Variants in DENND5A observed in about 807,000 individuals in gnomAD.
The protein encoded by DENND5A is DENN domain containing 5A, also known as DENN domain-containing protein 5A.
DENND5A carries 64 observed loss-of-function variants against 140.3 expected under a neutral mutation model. The ratio of observed to expected loss-of-function variants is 0.46; its 90% CI spans 0.37 to 0.56. The LOEUF (loss-of-function observed/expected upper bound fraction) is 0.56. Ranked by LOEUF, DENND5A falls within the 20% of genes least tolerant of loss-of-function variation. The pLI is 0.00. For synonymous variants in DENND5A, 605 were observed against 607.7 expected (o/e 1.00, Z 0.07); for missense variants, 1,292 against 1,593.8 (o/e 0.81, Z 3.22).
intron 1 of DENND5A, among the ~76,000 whole-genome samples, chr11:9,241,740 C>T (rs1010391512): frequency 2.0e-5 from 3 of 152,128 alleles, no homozygotes; most frequent in African/African-American, 7.2e-5. Flanking sequence ...ATCAGCTGGG[C>T]GCGGTGGCTC....
At chr11:9,233,412 A>G (rs1012188655) in intron 1 of DENND5A, among the ~76,000 whole-genome samples, 4 of 151,820 alleles carry the variant, frequency 2.6e-5, no homozygotes, top group Admixed American at 2.6e-4. Context: ...AAAAAAAAAA[A>G]AAAAAGAAAT....
At chr11:9,212,634 A>G (rs1182273961) in intron 1 of DENND5A, among the ~76,000 whole-genome samples, 4 of 139,494 alleles carry the variant, frequency 2.9e-5, no homozygotes, top group Admixed American at 1.4e-4. Context: ...CAAGTACTGA[A>G]AAAAAAACAC....
chr11:9,175,816 T>C (rs1359471134), intron 8 of DENND5A: 1 of 152,164 alleles, frequency 6.6e-6, no homozygotes, highest in Non-Finnish European at 1.5e-5. Context: ...CAAAATTAAC[T>C]TGAAATGGAT....
At chr11:9,223,168 C>T (rs554575918) in intron 1 of DENND5A, among the ~76,000 whole-genome samples, 2 of 151,600 alleles carry the variant, frequency 1.3e-5, no homozygotes, top group South Asian at 4.2e-4. Flanking sequence ...ACAAGAAGAT[C>T]ACTTGAGCTG....
intron 15 of DENND5A, among the ~76,000 whole-genome samples, chr11:9,147,478 C>T (rs1564881068): frequency 6.6e-6 from 1 of 152,304 alleles, no homozygotes; most frequent in Non-Finnish European, 1.5e-5. Flanking sequence ...TGACACAGGT[C>T]TTCTCAGGCT....
intron 1 of DENND5A, among the ~76,000 whole-genome samples, chr11:9,229,982 G>C (rs891977453): frequency 5.6e-5 from 7 of 125,410 alleles, no homozygotes; most frequent in Non-Finnish European, 1.6e-5. Flanking sequence ...TCAGCTCCTT[G>C]CAAGCTCCAC....
intron 12 of DENND5A, among the ~76,000 whole-genome samples, chr11:9,156,414 T>C (rs536756714): frequency 6.6e-6 from 1 of 151,978 alleles, no homozygotes; most frequent in African/African-American, 2.4e-5. Flanking sequence ...TCAAATGAAC[T>C]CTAAAAGAAA....
At chr11:9,248,236 G>A (rs1851562414) in intron 1 of DENND5A, among the ~76,000 whole-genome samples, 1 of 152,100 alleles carries the variant, frequency 6.6e-6, no homozygotes, top group Admixed American at 6.6e-5. Context: ...ACCTTCCTCA[G>A]TCTCCCAAAA....
intron 9 of DENND5A, chr11:9,170,236 A>G: frequency 1.0e-6 from 1 of 976,536 alleles, no homozygotes; most frequent in Non-Finnish European, 1.2e-6. Context: ...GCTTTGATAC[A>G]GTCATCTTCA....
intron 17 of DENND5A, 31 bp downstream of exon 17, chr11:9,145,639 C>T (rs867966488): frequency 6.2e-7 from 1 of 1,613,252 alleles, no homozygotes; most frequent in South Asian, 1.1e-5. Flanking sequence ...ACTCAGATCC[C>T]CACAGAGCTG....
intron 1 of DENND5A, among the ~76,000 whole-genome samples, chr11:9,240,829 C>A (rs1034005865): frequency 6.6e-6 from 1 of 152,102 alleles, no homozygotes; most frequent in Admixed American, 6.6e-5. Flanking sequence ...TGATTTTATT[C>A]CTGACAGGCA....
At chr11:9,216,046 C>T (rs1011886674) in intron 1 of DENND5A, among the ~76,000 whole-genome samples, 3 of 152,198 alleles carry the variant, frequency 2.0e-5, no homozygotes, top group Non-Finnish European at 2.9e-5. Flanking sequence ...GGTCCCCATG[C>T]TCTCCTCAAT....
intron 4 of DENND5A, among the ~76,000 whole-genome samples, chr11:9,201,346 G>A (rs2136207622): frequency 6.6e-6 from 1 of 150,518 alleles, no homozygotes; most frequent in African/African-American, 2.5e-5. Context: ...CTACACTCTA[G>A]CCTGGGTGAT....
intron 1 of DENND5A, among the ~76,000 whole-genome samples, chr11:9,216,367 CCT>C (rs1316541558): frequency 6.6e-6 from 1 of 152,198 alleles, no homozygotes; most frequent in African/African-American, 2.4e-5. Flanking sequence ...TCCTCAGCTA[CCT>C]CTCTCTTTCC....
chr11:9,177,132 C>T (rs1848569695), intron 8 of DENND5A, among the ~76,000 whole-genome samples: 2 of 151,512 alleles, frequency 1.3e-5, no homozygotes, highest in Admixed American at 1.3e-4. Context: ...TATGTGCCTG[C>T]AGTCCTAGCT....
chr11:9,204,092 C>A lies in DENND5A; in HGVS notation c.517G>T (p.Asp173Tyr). The change falls in exon 4 of 23, where the codon GAC becomes TAC. Residue 173 changes from aspartate to tyrosine, a missense_variant. Around this residue, in one of 4 missense-constraint regions of DENND5A, gnomAD observed 566 missense variants for 650.4 expected, o/e 0.87. Transcript: ENST00000328194. ...VLHAPPADDR[D>Y]QSSMEDGEDT... ...TCACCATCCTCCATGCTGCTCTGGT[C>A]TCTGTCATCAGCAGGGGGAGCATGT... is the stretch of plus-strand genomic sequence containing the variant. 5 of 1,614,178 alleles carry A rather than the reference C, an allele frequency of 3.1e-6. No homozygotes were observed. The Middle Eastern group carries it at 6.6e-4, about 213-fold the overall frequency.
chr11:9,203,696 C>A lies in DENND5A; in HGVS notation c.913G>T (p.Ala305Ser). The A allele has an allele frequency of 1.2e-6, 2 of 1,613,902 alleles. No individual in the cohort carries two copies. The highest frequency in any genetic ancestry group is 1.7e-6 in the Non-Finnish European group (2 of 1,179,918). The change falls in exon 4 of 23, where the codon GCC becomes TCC. Residue 305 changes from alanine (A) to serine (S), a missense_variant. By Grantham distance (99) the Ala-to-Ser change is moderately conservative. Around this residue, in one of 4 missense-constraint regions of DENND5A, gnomAD observed 566 missense variants for 650.4 expected, o/e 0.87. Transcript: ENST00000328194. ...VENVFQLFTCALLEFQILLYS... is the reference protein window; with the variant it reads ...VENVFQLFTCSLLEFQILLYS... ...AGCAGGATTTGAAACTCCAGAAGGGCACAAGTAAAAAGCTGAAACACATTC... is the reference window on the plus strand; with the variant it reads ...AGCAGGATTTGAAACTCCAGAAGGGAACAAGTAAAAAGCTGAAACACATTC...
In DENND5A at chr11:9,139,653, C is replaced by T; in HGVS notation, c.*18G>A. ...GGGTGAGTCTTTCTCAGTCCTGCTGCTGGCTGGTGCTGGGAGGTCAGATGT... is the reference window on the plus strand; with the variant it reads ...GGGTGAGTCTTTCTCAGTCCTGCTGTTGGCTGGTGCTGGGAGGTCAGATGT... On this transcript the variant is annotated 3_prime_UTR_variant, in exon 23 of 23. Coordinates refer to ENST00000328194, the MANE Select transcript of DENND5A (RefSeq NM_015213.4). 3 of 1,609,750 alleles carry T rather than the reference C, an allele frequency of 1.9e-6. No homozygotes were observed. Among genetic ancestry groups the T allele is most frequent in the Non-Finnish European group, 2.5e-6 (3 of 1,177,928 alleles).
At chr11:9,146,984 T>C (rs1564880714) in intron 16 of DENND5A, 46 bp downstream of exon 16, 1 of 1,607,614 alleles carries the variant, frequency 6.2e-7, no homozygotes, top group Non-Finnish European at 8.5e-7. Flanking sequence ...GGCAGGTTCA[T>C]AAAGACTGCC....
Sources: allele counts gnomAD v4.1 joint callset (sites outside exome capture counted in the v4.1 genomes callset), GRCh38; gene constraint gnomAD v4.1.1; regional missense constraint gnomAD v4.1.1; transcripts MANE v1.5; gene names NCBI Gene and HGNC (gene_info 2026-07-23, HGNC 2026-07-21).